Variants in CPED1 observed in about 807,000 individuals in gnomAD.
CPED1 encodes the protein cadherin like and PC-esterase domain containing 1.
A neutral mutation model predicts 128.2 loss-of-function variants in CPED1; 114 were observed. The ratio of observed to expected loss-of-function variants is 0.89; its 90% CI spans 0.76 to 1.04. The LOEUF is 1.04. Among genes scored for constraint, CPED1 ranks in the 50% least tolerant of loss-of-function variants. The pLI is 0.00. For synonymous variants in CPED1, 462 were observed against 426.7 expected (o/e 1.08, Z -1.02); for missense variants, 1,211 against 1,207.1 (o/e 1.00, Z -0.05).
intron 3 of CPED1, among the ~76,000 whole-genome samples, chr7:121,038,529 G>A (rs1407130232): frequency 6.6e-6 from 1 of 152,112 alleles, no homozygotes; most frequent in African/African-American, 2.4e-5. Flanking sequence ...GTGAAAGTCT[G>A]TGTCTAGTTA....
At chr7:121,277,409 A>G (rs1205893242) in intron 22 of CPED1, among the ~76,000 whole-genome samples, 1 of 152,142 alleles carries the variant, frequency 6.6e-6, no homozygotes, top group African/African-American at 2.4e-5. Context: ...GTCATCAGAA[A>G]ATAGGTTGTA....
chr7:121,046,375 T>C (rs1012805910), intron 3 of CPED1, among the ~76,000 whole-genome samples: 8 of 152,136 alleles, frequency 5.3e-5, no homozygotes, highest in Non-Finnish European at 1.0e-4. Flanking sequence ...CTTTCTTTTA[T>C]GGAACATCAC....
intron 7 of CPED1, among the ~76,000 whole-genome samples, chr7:121,105,014 A>G (rs1054055959): frequency 3.9e-5 from 6 of 152,052 alleles, no homozygotes; most frequent in Admixed American, 3.3e-4. Flanking sequence ...TTTTCAAGTC[A>G]GATTTGTAAG....
At position 121,152,202 on chromosome 7, in the gene CPED1, G is replaced by A. The variant is rs575723625; in HGVS notation, c.2055+10061G>A. ...CATTCTTTAGCAATGTGGTACAGACGTTCACTGTGTTTGCTGGGTTTTTAC... is the reference window on the plus strand; with the variant it reads ...CATTCTTTAGCAATGTGGTACAGACATTCACTGTGTTTGCTGGGTTTTTAC... On this transcript the variant is annotated intron_variant, in intron 16 of 22. Coordinates refer to ENST00000310396, the MANE Select transcript of CPED1 (RefSeq NM_024913.5). Among the ~76,000 whole-genome samples, 11 of 152,170 alleles carry A rather than the reference G, an allele frequency of 7.2e-5. No homozygotes were observed. In the South Asian group the frequency reaches 1.5e-3, roughly 20 times the overall value.
At position 121,077,323 on chromosome 7, in the gene CPED1, A is replaced by G. The variant is rs1418972344; in HGVS notation, c.616+13010A>G. 2.0e-5 allele frequency among the ~76,000 whole-genome samples: 3 copies of G among 152,304 alleles called. No homozygotes were observed. The East Asian group carries it at 5.8e-4, about 29-fold the overall frequency. On this transcript the variant is annotated intron_variant, in intron 5 of 22. Transcript: ENST00000310396. ...TGAAAATGGAAGTCAAATTTTAAAAATGACTGGACATGCATTTTTTCATTC... is the reference window on the plus strand; with the variant it reads ...TGAAAATGGAAGTCAAATTTTAAAAGTGACTGGACATGCATTTTTTCATTC...
chr7:121,028,461 C>A (rs1487120569), intron 3 of CPED1, among the ~76,000 whole-genome samples: 1 of 152,108 alleles, frequency 6.6e-6, no homozygotes, highest in East Asian at 1.9e-4. Context: ...GACGCTGAAC[C>A]CATTAATTAT....
chr7:121,297,262 A>G lies in CPED1; in HGVS notation c.*1610A>G, dbSNP rs139847172. 8.6e-4 allele frequency: 131 copies of G among 152,188 alleles called. No homozygotes were observed. The highest frequency in any genetic ancestry group is 3.1e-3 in the African/African-American group (127 of 41,554). 9.4% of individuals were successfully genotyped at this position (152,188 alleles called of 1,614,324 possible). On this transcript the variant is annotated 3_prime_UTR_variant, in exon 23 of 23. Transcript: ENST00000310396. ...TACCAATGTGTGCAGCCTCTCCATCATGTTTTAACATACTGTATACTCTAT... is the reference window on the plus strand; with the variant it reads ...TACCAATGTGTGCAGCCTCTCCATCGTGTTTTAACATACTGTATACTCTAT...
intron 16 of CPED1, among the ~76,000 whole-genome samples, chr7:121,218,151 A>ATT (rs34168785): frequency 0.37 from 52,939 of 141,472 alleles, 10,096 homozygotes; most frequent in Middle Eastern, 0.5. Context: ...TGCCTGGCTA[A>ATT]TTTTTTTTTT....
At chr7:121,179,242 G>T (rs543029081) in intron 16 of CPED1, among the ~76,000 whole-genome samples, 1 of 152,070 alleles carries the variant, frequency 6.6e-6, no homozygotes, top group Non-Finnish European at 1.5e-5. Context: ...CAGACGCTAG[G>T]CTGCAAGCCT....
intron 16 of CPED1, among the ~76,000 whole-genome samples, chr7:121,154,001 G>T (rs926569135): frequency 6.6e-6 from 1 of 152,086 alleles, no homozygotes; most frequent in Non-Finnish European, 1.5e-5. Context: ...GTATCAAAAT[G>T]TACCAAACCC....
chr7:120,991,846 AT>A (rs1210336296), intron 2 of CPED1, among the ~76,000 whole-genome samples: 1 of 152,204 alleles, frequency 6.6e-6, no homozygotes, highest in Non-Finnish European at 1.5e-5. Context: ...TAAATTTACA[AT>A]TATAGTTCAG....
At chr7:121,085,191 C>T (rs1794391312) in intron 5 of CPED1, among the ~76,000 whole-genome samples, 1 of 152,218 alleles carries the variant, frequency 6.6e-6, no homozygotes, top group Admixed American at 6.5e-5. Context: ...ATCGGTCCTG[C>T]TGCTGCAGCT....
intron 7 of CPED1, among the ~76,000 whole-genome samples, chr7:121,120,988 C>A (rs78333001): frequency 0.49 from 57,589 of 118,252 alleles, 13,474 homozygotes; most frequent in East Asian, 0.84. Flanking sequence ...AAAAAAAAAA[C>A]AAAAAAACTC....
intron 2 of CPED1, among the ~76,000 whole-genome samples, chr7:121,010,064 C>A (rs980058280): frequency 6.6e-6 from 1 of 152,070 alleles, no homozygotes; most frequent in Non-Finnish European, 1.5e-5. Context: ...CCAAAGCAGA[C>A]AAATCTAGGC....
intron 5 of CPED1, among the ~76,000 whole-genome samples, chr7:121,082,967 A>G (rs547107723): frequency 2.8e-4 from 43 of 152,190 alleles, no homozygotes; most frequent in Non-Finnish European, 5.4e-4. Context: ...TTTATGCATA[A>G]GCAGAAGTTA....
intron 16 of CPED1, among the ~76,000 whole-genome samples, chr7:121,172,062 G>A (rs939441597): frequency 6.6e-6 from 1 of 152,166 alleles, no homozygotes; most frequent in South Asian, 2.1e-4. Context: ...AATGGAGCTG[G>A]AAGGCAGGAA....
chr7:120,996,814 T>C (rs1419902774), intron 2 of CPED1, among the ~76,000 whole-genome samples: 2 of 152,186 alleles, frequency 1.3e-5, no homozygotes, highest in African/African-American at 4.8e-5. Flanking sequence ...CATTCAGTGG[T>C]TTAACCAGTT....
chr7:121,176,216 A>AC (rs1554444022), intron 16 of CPED1, among the ~76,000 whole-genome samples: 28,414 of 92,696 alleles, frequency 0.31, 6,220 homozygotes, highest in African/African-American at 0.34. Context: ...AAAAAAAAAA[A>AC]CACCTCTGGA....
At position 121,199,356 on chromosome 7, in the gene CPED1, G is replaced by A. The variant is rs1019505697; in HGVS notation, c.2056-37358G>A. On this transcript the variant is annotated intron_variant, in intron 16 of 22. Transcript: ENST00000310396. Reference sequence around the variant, plus strand: ...ACAGTGTTGAAAATATTTTCATGAGGTATATGGTCTTTCCGTGTGCTATAG... The same window carrying A: ...ACAGTGTTGAAAATATTTTCATGAGATATATGGTCTTTCCGTGTGCTATAG... Among the ~76,000 whole-genome samples the A allele has an allele frequency of 3.3e-5, 5 of 152,066 alleles. No individual in the cohort carries two copies. The East Asian group carries it at 9.7e-4, about 30-fold the overall frequency.
Sources: allele counts gnomAD v4.1 joint callset (sites outside exome capture counted in the v4.1 genomes callset), GRCh38; gene constraint gnomAD v4.1.1; transcripts MANE v1.5; gene names NCBI Gene and HGNC (gene_info 2026-07-23, HGNC 2026-07-21).